The following CARMIL1 variants were observed in gnomAD, a reference collection of about 807,000 sequenced individuals.
CARMIL1 encodes F-actin-uncapping protein LRRC16A.
CARMIL1 carries 90 observed loss-of-function variants against 177.1 expected under a neutral mutation model. That is an observed-to-expected ratio of 0.51 (90% confidence interval 0.43 to 0.61). The LOEUF is 0.61. Among genes scored for constraint, CARMIL1 ranks in the 20% least tolerant of loss-of-function variants. The probability of loss-of-function intolerance (pLI) is 0.00; values close to 1 mark genes in which losing one functional copy is unlikely to be tolerated. For synonymous variants in CARMIL1, 577 were observed against 606.2 expected (o/e 0.95, Z 0.71); for missense variants, 1,380 against 1,667.0 (o/e 0.83, Z 3.00).
chr6:25,471,603 TTA>T (rs1801110264), intron 10 of CARMIL1, among the ~76,000 whole-genome samples: 1 of 152,224 alleles, frequency 6.6e-6, no homozygotes, highest in African/African-American at 2.4e-5. Flanking sequence ...AATGCCTATT[TTA>T]TAGAATTAAA....
At chr6:25,460,441 C>T (rs1327648168) in intron 8 of CARMIL1, among the ~76,000 whole-genome samples, 1 of 152,148 alleles carries the variant, frequency 6.6e-6, no homozygotes, top group Non-Finnish European at 1.5e-5. Flanking sequence ...TCTCCCTGAT[C>T]CTTGGTCTTC....
At chr6:25,446,765 C>T (rs186805240) in intron 5 of CARMIL1, among the ~76,000 whole-genome samples, 36 of 152,262 alleles carry the variant, frequency 2.4e-4, no homozygotes, top group African/African-American at 7.7e-4. Context: ...TTGTTTCTAG[C>T]TTTTGATTTA....
intron 17 of CARMIL1, among the ~76,000 whole-genome samples, chr6:25,503,195 A>C (rs921737189): frequency 3.9e-5 from 6 of 152,288 alleles, no homozygotes; most frequent in Non-Finnish European, 5.9e-5. Context: ...TCACTTATGC[A>C]TTATATGATA....
intron 2 of CARMIL1, among the ~76,000 whole-genome samples, chr6:25,359,801 G>A (rs1788998295): frequency 6.6e-6 from 1 of 152,178 alleles, no homozygotes; most frequent in Non-Finnish European, 1.5e-5. Flanking sequence ...TTCCCTTAGG[G>A]TATTTGGGCC....
chr6:25,431,982 T>G (rs555267094), intron 4 of CARMIL1, among the ~76,000 whole-genome samples: 68 of 152,372 alleles, frequency 4.5e-4, no homozygotes, highest in Middle Eastern at 3.4e-3. Context: ...ATTCAAAATT[T>G]GCTGTGTTTT....
intron 2 of CARMIL1, among the ~76,000 whole-genome samples, chr6:25,412,179 A>G (rs1351861192): frequency 6.6e-6 from 1 of 152,246 alleles, no homozygotes; most frequent in Non-Finnish European, 1.5e-5. Flanking sequence ...AACAGACACC[A>G]TGTAGCAATT....
At position 25,600,376 on chromosome 6, in the gene CARMIL1, A is replaced by G; in HGVS notation, c.3182A>G (p.Lys1061Arg). 6.2e-7 allele frequency: 1 copy of G among 1,614,018 alleles called. No individual in the cohort carries two copies. Among genetic ancestry groups the G allele is most frequent in the Non-Finnish European group, 8.5e-7 (1 of 1,179,888 alleles). ...ELNEGGDEKK[K>R]RDSRKSSGFL... ...AATGAAGGAGGAGATGAAAAGAAAA[A>G]GCGAGATTCTCGGAAAAGTAGTGGC... Residue 1061 changes from lysine to arginine, a missense_variant, in exon 33 of 37, where the codon AAG (lysine) becomes AGG (arginine). Physicochemically the swap from Lys to Arg is conservative, Grantham distance 26 (BLOSUM62 2). Transcript: ENST00000329474.
chr6:25,422,343 A>G (rs957837719), intron 3 of CARMIL1, among the ~76,000 whole-genome samples: 1 of 152,200 alleles, frequency 6.6e-6, no homozygotes, highest in Non-Finnish European at 1.5e-5. Context: ...ATGGCGCTAT[A>G]ATGTTATTGG....
At chr6:25,301,508 C>T (rs536555691) in intron 2 of CARMIL1, among the ~76,000 whole-genome samples, 66 of 152,262 alleles carry the variant, frequency 4.3e-4, no homozygotes, top group African/African-American at 1.6e-3. Flanking sequence ...CTCTAGGGAG[C>T]CTCATGTTAA....
chr6:25,505,151 A>G (rs183681874), intron 17 of CARMIL1, among the ~76,000 whole-genome samples: 1 of 152,172 alleles, frequency 6.6e-6, no homozygotes. Flanking sequence ...TTCAAGAAGG[A>G]TTACTCTCAT....
chr6:25,435,567 A>C lies in CARMIL1; in HGVS notation c.334A>C (p.Thr112Pro). 1 of 1,567,018 alleles carries C rather than the reference A, an allele frequency of 6.4e-7. No homozygotes were observed. Among genetic ancestry groups the C allele is most frequent in the Non-Finnish European group, 8.7e-7 (1 of 1,154,778 alleles). Residue 112 changes from threonine (T) to proline (P), a missense_variant, in exon 5 of 37, where the codon ACC becomes CCC. Coordinates refer to ENST00000329474, the MANE Select transcript of CARMIL1 (RefSeq NM_017640.6). ...GAGTGAGGTGCTGGCTCACATAGGC[A>C]CCTGCCTGAGGAAGATATTTCCTGG... ...DVSEVLAHIG[T>P]CLRKIFPGLS...
intron 11 of CARMIL1, among the ~76,000 whole-genome samples, chr6:25,479,737 G>C (rs1293699047): frequency 1.3e-5 from 2 of 151,824 alleles, no homozygotes; most frequent in Non-Finnish European, 2.9e-5. Context: ...TTTTGAGCTG[G>C]ATAATTAGAT....
At chr6:25,602,815 T>G (rs1279970655) in intron 33 of CARMIL1, among the ~76,000 whole-genome samples, 1 of 152,212 alleles carries the variant, frequency 6.6e-6, no homozygotes, top group African/African-American at 2.4e-5. Flanking sequence ...TAATTCTCTT[T>G]GCGTTGCTGG....
intron 2 of CARMIL1, among the ~76,000 whole-genome samples, chr6:25,369,456 C>G (rs980175027): frequency 6.6e-6 from 1 of 151,768 alleles, no homozygotes; most frequent in African/African-American, 2.4e-5. Context: ...TTAAGACTCC[C>G]GTTTCCACAT....
At chr6:25,601,473 C>T (rs1815396822) in intron 33 of CARMIL1, among the ~76,000 whole-genome samples, 1 of 152,162 alleles carries the variant, frequency 6.6e-6, no homozygotes, top group Non-Finnish European at 1.5e-5. Context: ...GGTGAACTAA[C>T]AGAGGGAAAT....
chr6:25,438,780 G>T (rs146155558), intron 5 of CARMIL1, among the ~76,000 whole-genome samples: 3 of 151,976 alleles, frequency 2.0e-5, no homozygotes, highest in Admixed American at 2.0e-4. Flanking sequence ...TTGGGATTTA[G>T]TAGTATTTTC....
Position 25,491,992 on chromosome 6 carries a change from G to T in CARMIL1, c.1188G>T (p.Val396=). ...GTGGATGCCTTCAATATTTAGCTGTGCTCAACCTCTCCAGAACTGTCTTCT... is the reference window on the plus strand; with the variant it reads ...GTGGATGCCTTCAATATTTAGCTGTTCTCAACCTCTCCAGAACTGTCTTCT... The part of the protein sequence containing the change: ...LLRGCLQYLA[V]LNLSRTVFSH... The change falls in exon 15 of 37, where the codon GTG becomes GTT. Residue 396 remains valine (V), a synonymous_variant. Coordinates refer to ENST00000329474, the MANE Select transcript of CARMIL1 (RefSeq NM_017640.6). 6.2e-7 allele frequency: 1 copy of T among 1,613,516 alleles called. No homozygotes were observed. Among genetic ancestry groups the T allele is most frequent in the Non-Finnish European group, 8.5e-7 (1 of 1,179,678 alleles).
Position 25,427,914 on chromosome 6 carries a change from A to T in CARMIL1, c.249+1354A>T, listed in dbSNP as rs1278879440. ...TTATTGAATTTTGAGTTTTTAAAAA[A>T]ATACATTCTGGATACAAAGCCTTTA... On this transcript the variant is annotated intron_variant, in intron 4 of 36. Transcript: ENST00000329474. 3.3e-5 allele frequency among the ~76,000 whole-genome samples: 5 copies of T among 152,346 alleles called. No homozygotes were observed. The South Asian group carries it at 1.0e-3, about 32-fold the overall frequency.
At chr6:25,420,388 A>G (rs1418675977) in intron 3 of CARMIL1, 2 of 517,718 alleles carry the variant, frequency 3.9e-6, no homozygotes, top group Non-Finnish European at 6.9e-6. Context: ...TAAAGGCTGT[A>G]ATGAGAAACA....
Sources: gnomAD v4.1 joint callset for allele counts (sites outside exome capture counted in the v4.1 genomes callset) on GRCh38, gnomAD v4.1.1 for gene constraint, MANE v1.5 for transcripts, NCBI Gene and HGNC (gene_info 2026-07-23, HGNC 2026-07-21) for gene names.